PPFIA1: variants seen among roughly 807,000 people sequenced by gnomAD.
PPFIA1 encodes PPFI scaffold protein A1, also known as liprin-alpha-1.
PPFIA1 carries 25 observed loss-of-function variants against 149.9 expected under a neutral mutation model. The observed-to-expected ratio is 0.17, with a 90% CI of 0.12 to 0.23. The LOEUF (loss-of-function observed/expected upper bound fraction) is 0.23, where lower values mean the gene tolerates loss of function less well. Among genes scored for constraint, PPFIA1 ranks in the 10% least tolerant of loss-of-function variants. The pLI is 1.00. For synonymous variants in PPFIA1, 549 were observed against 552.8 expected (o/e 0.99, Z 0.10); for missense variants, 1,362 against 1,506.5 (o/e 0.90, Z 1.59).
chr11:70,278,199 A>C (rs993523929), intron 2 of PPFIA1, among the ~76,000 whole-genome samples: 3 of 148,608 alleles, frequency 2.0e-5, no homozygotes, highest in African/African-American at 7.4e-5. Context: ...GTGAGCCACC[A>C]TGCCTGGCCT....
intron 2 of PPFIA1, among the ~76,000 whole-genome samples, chr11:70,294,432 A>G (rs2136242220): frequency 6.6e-6 from 1 of 152,286 alleles, no homozygotes; most frequent in African/African-American, 2.4e-5. Context: ...TAGACATGGG[A>G]CAGAAAGCAG....
rs187087068 is a variant in PPFIA1 at position 70,293,514 on chromosome 11, G to A, written c.264+21078G>A. ...AATGGCTTTGAAACATAATAGAGTCGCGGTGGCAAGGCCAGTCCCCTACCC... is the reference window on the plus strand; with the variant it reads ...AATGGCTTTGAAACATAATAGAGTCACGGTGGCAAGGCCAGTCCCCTACCC... On this transcript the variant is annotated intron_variant, in intron 2 of 27. Coordinates refer to ENST00000253925, the MANE Select transcript of PPFIA1 (RefSeq NM_003626.5). Among the ~76,000 whole-genome samples, 227 of 152,298 alleles carry A rather than the reference G, an allele frequency of 1.5e-3. 1 individual carries two copies. Among genetic ancestry groups the A allele is most frequent in the Admixed American group, 1.8e-3 (27 of 15,300 alleles).
chr11:70,318,299 A>G (rs1464830406), intron 2 of PPFIA1, among the ~76,000 whole-genome samples: 2 of 152,158 alleles, frequency 1.3e-5, no homozygotes, highest in African/African-American at 4.8e-5. Context: ...TCTGTGTGAA[A>G]TTGGAAGAAA....
intron 2 of PPFIA1, among the ~76,000 whole-genome samples, chr11:70,287,211 T>A (rs2051205670): frequency 6.6e-6 from 1 of 152,118 alleles, no homozygotes; most frequent in Admixed American, 6.6e-5. Flanking sequence ...ACTTGAGCTC[T>A]CCATTCCTCC....
chr11:70,295,483 A>G (rs1454988737), intron 2 of PPFIA1, among the ~76,000 whole-genome samples: 1 of 116,682 alleles, frequency 8.6e-6, no homozygotes, highest in Admixed American at 9.4e-5. Context: ...CACCTCCTGG[A>G]CGGGGCGGCT....
intron 2 of PPFIA1, among the ~76,000 whole-genome samples, chr11:70,318,101 G>T (rs1405986664): frequency 1.3e-5 from 2 of 151,996 alleles, no homozygotes; most frequent in Non-Finnish European, 1.5e-5. Context: ...CGTTCTCCAT[G>T]CCCATTCACC....
At position 70,332,086 on chromosome 11, in the gene PPFIA1, C is replaced by T. The variant is rs2054701311; in HGVS notation, c.1204C>T (p.Leu402Phe). Residue 402 changes from leucine to phenylalanine, a missense_variant, in exon 9 of 28, where the codon CTT becomes TTT. Leu to Phe is a conservative substitution (Grantham distance 22). This residue lies in a region of PPFIA1 where 733 missense variants were observed against 744.1 expected (regional missense o/e 0.99). Transcript: ENST00000253925. Reference sequence around the variant, plus strand: ...GGAGCTGGCCCAGAGGGTGGCAGCGCTTTCCAAGGTAGTGCCATGAGCTTC... The same window carrying T: ...GGAGCTGGCCCAGAGGGTGGCAGCGTTTTCCAAGGTAGTGCCATGAGCTTC... ...EAELAQRVAA[L>F]SKAEERHGNI... is the part of the protein sequence containing the mutation. The T allele has an allele frequency of 6.2e-7, 1 of 1,605,716 alleles. No individual in the cohort carries two copies. The highest frequency in any genetic ancestry group is 8.5e-7 in the Non-Finnish European group (1 of 1,176,832).
At chr11:70,360,115 C>T (rs912012252) in intron 19 of PPFIA1, among the ~76,000 whole-genome samples, 1 of 152,254 alleles carries the variant, frequency 6.6e-6, no homozygotes, top group Admixed American at 6.5e-5. Context: ...GTCTCCTCTG[C>T]CTTCTCCCTA....
intron 16 of PPFIA1, chr11:70,351,084 T>G: frequency 1.1e-6 from 1 of 937,522 alleles, no homozygotes. Context: ...AGAGTACCTA[T>G]CATATTTTCC....
chr11:70,285,814 A>G lies in PPFIA1; in HGVS notation c.264+13378A>G, dbSNP rs540616027. Among the ~76,000 whole-genome samples, 254 of 152,294 alleles carry G rather than the reference A, an allele frequency of 1.7e-3. 1 individual carries two copies. Among genetic ancestry groups the G allele is most frequent in the African/African-American group, 5.9e-3 (244 of 41,550 alleles). ...TAATGTTTATGTATATAGTGTATAC[A>G]TGAATGTATTCAGGTATTTTGAGTG... On this transcript the variant is annotated intron_variant, in intron 2 of 27. Transcript: ENST00000253925.
intron 10 of PPFIA1, among the ~76,000 whole-genome samples, chr11:70,334,017 C>T (rs563533066): frequency 4.8e-4 from 73 of 152,200 alleles, no homozygotes; most frequent in Admixed American, 2.0e-3. Flanking sequence ...AACATAATGG[C>T]GTGTTGGAAT....
chr11:70,331,590 G>A (rs1357111486), intron 8 of PPFIA1, among the ~76,000 whole-genome samples: 1 of 152,048 alleles, frequency 6.6e-6, no homozygotes, highest in Non-Finnish European at 1.5e-5. Flanking sequence ...GACCAGCCTG[G>A]CCAACATGCC....
At position 70,380,159 on chromosome 11, in the gene PPFIA1, G is replaced by A. The variant is rs533950107; in HGVS notation, c.3551-1929G>A. Among the ~76,000 whole-genome samples, 659 of 152,320 alleles carry A rather than the reference G, an allele frequency of 4.3e-3. 5 individuals carry two copies. The highest frequency in any genetic ancestry group is 0.024 in the Middle Eastern group (7 of 294). On this transcript the variant is annotated intron_variant, in intron 26 of 27. Transcript: ENST00000253925. Reference sequence around the variant, plus strand: ...GCGGTGGCTCACGCCTGTAATCCCAGCACTTTGGGAGGCTGAGGTGGGTGG... The same window carrying A: ...GCGGTGGCTCACGCCTGTAATCCCAACACTTTGGGAGGCTGAGGTGGGTGG...
At chr11:70,307,909 G>A (rs979416286) in intron 2 of PPFIA1, among the ~76,000 whole-genome samples, 5 of 152,186 alleles carry the variant, frequency 3.3e-5, no homozygotes, top group African/African-American at 9.7e-5. Flanking sequence ...CTGGGAAACA[G>A]AACAAGACTT....
intron 2 of PPFIA1, among the ~76,000 whole-genome samples, chr11:70,289,319 T>C (rs908282614): frequency 6.6e-6 from 1 of 152,072 alleles, no homozygotes; most frequent in Non-Finnish European, 1.5e-5. Context: ...TAGAAAAAAA[T>C]GTTCATTAAA....
chr11:70,378,252 C>T (rs773585846), intron 26 of PPFIA1, 57 bp downstream of exon 26: 3 of 1,570,938 alleles, frequency 1.9e-6, no homozygotes, highest in Non-Finnish European at 2.6e-6. Flanking sequence ...AGCTTTCTGT[C>T]TGGAACATTA....
intron 4 of PPFIA1, 56 bp downstream of exon 4, chr11:70,325,067 T>C: frequency 6.8e-7 from 1 of 1,465,178 alleles, no homozygotes; most frequent in Non-Finnish European, 9.1e-7. Context: ...TAGGCCAGCT[T>C]CACAAGTGTT....
chr11:70,372,348 A>G lies in PPFIA1; in HGVS notation c.2999A>G (p.Lys1000Arg), dbSNP rs1157626074. The G allele has an allele frequency of 2.5e-6, 4 of 1,614,122 alleles. No homozygotes were observed. The highest frequency in any genetic ancestry group is 2.7e-5 in the African/African-American group (2 of 74,950). The change falls in exon 22 of 28, where the codon AAA becomes AGA. Residue 1000 changes from lysine (K) to arginine (R), a missense_variant. Lys to Arg is a conservative substitution (Grantham distance 26). Around this residue, in one of 7 missense-constraint regions of PPFIA1, gnomAD observed 349 missense variants for 373.3 expected, o/e 0.93. Coordinates refer to ENST00000253925, the MANE Select transcript of PPFIA1 (RefSeq NM_003626.5). ...AGGATGCTGGACCACTTGACCAAGA[A>G]AGACCTTCGAGGGCAGCTGAAAATG... Reference protein sequence around the residue: ...DARMLDHLTKKDLRGQLKMVD... With the variant: ...DARMLDHLTKRDLRGQLKMVD...
intron 2 of PPFIA1, among the ~76,000 whole-genome samples, chr11:70,310,545 C>T (rs1345635146): frequency 2.0e-5 from 3 of 151,928 alleles, no homozygotes; most frequent in African/African-American, 4.8e-5. Context: ...GCCACCACGC[C>T]CAGTTAATTT....
Sources: allele counts gnomAD v4.1 joint callset (sites outside exome capture counted in the v4.1 genomes callset), GRCh38; gene constraint gnomAD v4.1.1; regional missense constraint gnomAD v4.1.1; transcripts MANE v1.5; gene names NCBI Gene and HGNC (gene_info 2026-07-23, HGNC 2026-07-21).